Variants in STK3 observed in about 807,000 individuals in gnomAD.
The protein encoded by STK3 is serine/threonine-protein kinase 3.
Under a neutral mutation model 58.0 loss-of-function variants are expected in STK3, and 41 were observed. The ratio of observed to expected loss-of-function variants is 0.71; its 90% confidence interval spans 0.55 to 0.92. STK3 has a LOEUF of 0.92. STK3 is among the 40% of genes least tolerant of loss of function. STK3 has a pLI of 0.00. For synonymous variants in STK3, 170 were observed against 191.0 expected (o/e 0.89, Z 0.91); for missense variants, 479 against 602.7 (o/e 0.79, Z 2.15).
chr8:98,698,027 C>T (rs1336503512), intron 6 of STK3, among the ~76,000 whole-genome samples: 1 of 152,162 alleles, frequency 6.6e-6, no homozygotes, highest in African/African-American at 2.4e-5. Context: ...TCAGGACTTG[C>T]TTTATGAATC....
downstream of STK3, among the ~76,000 whole-genome samples, chr8:98,398,575 C>T (rs1044029521): frequency 2.0e-5 from 3 of 152,196 alleles, no homozygotes; most frequent in Non-Finnish European, 2.9e-5. Flanking sequence ...GGCTGTGCCT[C>T]GCCGCTCTTA....
In STK3 at chr8:98,933,927, A is replaced by T. The variant is rs1209655584; in HGVS notation, c.-79+8451T>A. On this transcript the variant is annotated intron_variant, in intron 1 of 1. Coordinates refer to the STK3 transcript ENST00000519420. ...CCAGGCAGAGAGGTCAGGCCAGGAC[A>T]ATTTTAAATGGTAATTAAGTCTCTC... Among the ~76,000 whole-genome samples, 3 of 152,222 alleles carry T rather than the reference A, an allele frequency of 2.0e-5. No individual in the cohort carries two copies. In the East Asian group the frequency reaches 5.8e-4, roughly 29 times the overall value.
At chr8:98,785,214 C>G (rs958312210) in intron 1 of STK3, among the ~76,000 whole-genome samples, 48 of 152,204 alleles carry the variant, frequency 3.2e-4, no homozygotes, top group Admixed American at 2.8e-3. Context: ...TCCAGGCATT[C>G]AGAGCACCTG....
intron 6 of STK3, among the ~76,000 whole-genome samples, chr8:98,603,728 G>A (rs556836690): frequency 2.6e-5 from 4 of 152,102 alleles, no homozygotes; most frequent in African/African-American, 9.6e-5. Flanking sequence ...TTGAAATGTG[G>A]TCCTCAATGC....
intron 3 of STK3, among the ~76,000 whole-genome samples, chr8:98,877,090 A>G (rs1310334881): frequency 6.6e-6 from 1 of 152,190 alleles, no homozygotes; most frequent in Non-Finnish European, 1.5e-5. Flanking sequence ...GATAACTGTG[A>G]TTTTGAACTA....
chr8:98,575,635 C>T (rs1035550873), intron 8 of STK3, among the ~76,000 whole-genome samples: 1 of 143,404 alleles, frequency 7.0e-6, no homozygotes, highest in Non-Finnish European at 1.5e-5. Flanking sequence ...ATACAGTTTG[C>T]TTTTTTTTTT....
exon 3 of STK3, chr8:98,434,127 A>G (rs1563603092): frequency 6.6e-6 from 1 of 152,284 alleles, no homozygotes; most frequent in Non-Finnish European, 1.5e-5. Flanking sequence ...CTCAACTCAC[A>G]CTGAGCAGTG....
intron 6 of STK3, among the ~76,000 whole-genome samples, chr8:98,695,374 G>T (rs1041258970): frequency 6.6e-6 from 1 of 152,034 alleles, no homozygotes; most frequent in African/African-American, 2.4e-5. Context: ...GTCAATTTTG[G>T]CTTTTGTTGC....
intron 2 of STK3, among the ~76,000 whole-genome samples, chr8:98,768,824 A>G (rs1431437630): frequency 1.3e-5 from 2 of 152,278 alleles, no homozygotes; most frequent in East Asian, 3.8e-4. Flanking sequence ...CTCCAGATAC[A>G]GTTGTAGCAG....
intron 4 of STK3, among the ~76,000 whole-genome samples, chr8:98,722,107 T>C (rs942596850): frequency 6.6e-6 from 1 of 152,072 alleles, no homozygotes; most frequent in African/African-American, 2.4e-5. Flanking sequence ...ATAAAAAAAG[T>C]AGCTCACTAT....
At chr8:98,617,131 T>A (rs1219304755) in intron 6 of STK3, among the ~76,000 whole-genome samples, 1 of 151,778 alleles carries the variant, frequency 6.6e-6, no homozygotes, top group Admixed American at 6.6e-5. Flanking sequence ...CACAGTGCAA[T>A]CAAACTAGAA....
intron 3 of STK3, chr8:98,431,715 G>A (rs1438598979): frequency 1.2e-5 from 2 of 167,136 alleles, no homozygotes; most frequent in Non-Finnish European, 2.9e-5. Flanking sequence ...AGGTACCCTA[G>A]TGGTTACCCT....
chr8:98,655,091 A>C (rs1297949530), intron 6 of STK3, among the ~76,000 whole-genome samples: 1 of 152,094 alleles, frequency 6.6e-6, no homozygotes, highest in Non-Finnish European at 1.5e-5. Context: ...ACTATACTAC[A>C]AGGCTACAGT....
At chr8:98,391,907 G>A (rs1817851227), upstream of STK3, among the ~76,000 whole-genome samples, 1 of 152,162 alleles carries the variant, frequency 6.6e-6, no homozygotes. Flanking sequence ...AATTTCTACA[G>A]ATTTATTTTA....
chr8:98,917,327 T>G lies in STK3; in HGVS notation c.-79+25051A>C, dbSNP rs527787211. Among the ~76,000 whole-genome samples the G allele has an allele frequency of 1.3e-4, 20 of 152,296 alleles. No individual in the cohort carries two copies. In the South Asian group the frequency reaches 4.1e-3, roughly 32 times the overall value. On this transcript the variant is annotated intron_variant, in intron 1 of 1. Coordinates refer to the STK3 transcript ENST00000519420. ...ACCAGGGCTCTGAGCAAATGGCAGA[T>G]GTACCAGCATAGCCTTTTTAAAGAG...
intron 3 of STK3, among the ~76,000 whole-genome samples, chr8:98,837,586 A>C (rs183238598): frequency 3.9e-5 from 6 of 152,162 alleles, no homozygotes; most frequent in Non-Finnish European, 7.4e-5. Flanking sequence ...AATCTGAAAG[A>C]CTCCATAAGA....
At chr8:98,452,849 C>T (rs867039037), downstream of STK3, among the ~76,000 whole-genome samples, 1 of 150,660 alleles carries the variant, frequency 6.6e-6, no homozygotes, top group Middle Eastern at 3.4e-3. Flanking sequence ...CAACCTCCGC[C>T]TTCCAGGTTC....
At chr8:98,676,139 A>G (rs1325285217) in intron 6 of STK3, among the ~76,000 whole-genome samples, 4 of 152,194 alleles carry the variant, frequency 2.6e-5, no homozygotes, top group Non-Finnish European at 5.9e-5. Context: ...TTCCACTTAC[A>G]TGAGGTACCC....
At chr8:98,533,969 T>C (rs1809552834) in intron 9 of STK3, among the ~76,000 whole-genome samples, 1 of 152,238 alleles carries the variant, frequency 6.6e-6, no homozygotes, top group Non-Finnish European at 1.5e-5. Flanking sequence ...TGGTTTTTCA[T>C]CATTACTTTT....
Sources: gnomAD v4.1 joint callset for allele counts (sites outside exome capture counted in the v4.1 genomes callset) on GRCh38, gnomAD v4.1.1 for gene constraint, MANE v1.5 for transcripts, NCBI Gene and HGNC (gene_info 2026-07-23, HGNC 2026-07-21) for gene names.